Variants in HMCN1 observed in about 807,000 individuals in gnomAD.
HMCN1 encodes the protein hemicentin 1.
Under a neutral mutation model 625.9 loss-of-function variants are expected in HMCN1, and 321 were observed. The observed-to-expected ratio is 0.51, with a 90% confidence interval of 0.47 to 0.56. The LOEUF is 0.56. HMCN1 is among the 20% of genes least tolerant of loss of function. HMCN1 has a pLI of 0.00. For synonymous variants in HMCN1, 2,425 were observed against 2,417.6 expected (o/e 1.00, Z -0.09); for missense variants, 6,588 against 6,887.3 (o/e 0.96, Z 1.54).
chr1:185,745,488 T>C (rs1322519405), intron 1 of HMCN1, among the ~76,000 whole-genome samples: 2 of 152,182 alleles, frequency 1.3e-5, no homozygotes, highest in African/African-American at 2.4e-5. Flanking sequence ...TCATGCACTT[T>C]CCTTATGGGG....
At chr1:186,101,505 CAGAAG>C (rs1264797610) in intron 68 of HMCN1, among the ~76,000 whole-genome samples, 1 of 152,036 alleles carries the variant, frequency 6.6e-6, no homozygotes, top group Non-Finnish European at 1.5e-5. Flanking sequence ...ATCTGGAGCT[CAGAAG>C]AGAGTCTAGG....
Position 186,117,463 on chromosome 1 carries a change from A to C in HMCN1, c.11688A>C (p.Pro3896=), listed in dbSNP as rs1232848064. ...KRTVDLTVQV[P]PSIADEPTDF... Reference sequence around the variant, plus strand: ...TTGTTGTTGTTGTTGTTTTAGTTCCACCTTCCATAGCTGATGAGCCTACAG... The same window carrying C: ...TTGTTGTTGTTGTTGTTTTAGTTCCCCCTTCCATAGCTGATGAGCCTACAG... Residue 3896 remains proline, a synonymous_variant, in exon 77 of 107, where the codon CCA becomes CCC. Transcript: ENST00000271588. The C allele has an allele frequency of 4.3e-6, 7 of 1,613,598 alleles. No homozygotes were observed. The South Asian group carries it at 5.5e-5, about 13-fold the overall frequency.
At chr1:185,764,809 C>G (rs1461814967) in intron 1 of HMCN1, among the ~76,000 whole-genome samples, 1 of 152,054 alleles carries the variant, frequency 6.6e-6, no homozygotes, top group Non-Finnish European at 1.5e-5. Context: ...AATTTAATTA[C>G]AGTGTTTAAT....
Position 185,868,980 on chromosome 1 carries a change from G to C in HMCN1, c.621+3117G>C, listed in dbSNP as rs967507570. ...TAAAGTTGTCCATTTTTATAAACTA[G>C]AGTTTGATGCCAACAATAGAGCTGA... On this transcript the variant is annotated intron_variant, in intron 4 of 106. Transcript: ENST00000271588. 9.2e-5 allele frequency among the ~76,000 whole-genome samples: 14 copies of C among 152,144 alleles called. 1 individual carries two copies. Among genetic ancestry groups the C allele is most frequent in the Admixed American group, 5.2e-4 (8 of 15,274 alleles).
intron 50 of HMCN1, 57 bp from the exon 51 acceptor site, chr1:186,069,606 G>A (rs1301364326): frequency 1.9e-6 from 2 of 1,061,670 alleles, no homozygotes. Flanking sequence ...GATAGCCTGT[G>A]TGTACTCCAC....
intron 97 of HMCN1, among the ~76,000 whole-genome samples, chr1:186,156,885 G>C (rs1651061403): frequency 6.6e-6 from 1 of 152,076 alleles, no homozygotes; most frequent in Admixed American, 6.6e-5. Context: ...GGTGTTGACA[G>C]CATCACTGTA....
chr1:186,045,181 C>G (rs1656480819), intron 40 of HMCN1, among the ~76,000 whole-genome samples: 2 of 152,134 alleles, frequency 1.3e-5, no homozygotes, highest in African/African-American at 4.8e-5. Flanking sequence ...TTATTTTGCA[C>G]AAGGTATTAT....
chr1:185,755,801 T>A (rs1278508948), intron 1 of HMCN1, among the ~76,000 whole-genome samples: 6 of 152,122 alleles, frequency 3.9e-5, no homozygotes, highest in African/African-American at 1.4e-4. Flanking sequence ...AAGCTGGGAA[T>A]GGGAGTAAAG....
At position 186,003,766 on chromosome 1, in the gene HMCN1, T is replaced by C. The variant is rs771585101; in HGVS notation, c.4397T>C (p.Val1466Ala). 1.9e-6 allele frequency: 3 copies of C among 1,612,678 alleles called. No homozygotes were observed. The highest frequency in any genetic ancestry group is 2.5e-6 in the Non-Finnish European group (3 of 1,178,924). Residue 1466 changes from valine to alanine, a missense_variant, in exon 29 of 107, where the codon GTC (valine) becomes GCC (alanine). Val to Ala is a moderately conservative substitution (Grantham distance 64, BLOSUM62 0). Transcript: ENST00000271588. ...AACTTCCCAAATGAAGTCTCAGTTG[T>C]CCTCAACCGTGACGTCGCCCTTGAA... ...GTNFPNEVSV[V>A]LNRDVALECQ...
intron 1 of HMCN1, among the ~76,000 whole-genome samples, chr1:185,742,629 C>T (rs1023702469): frequency 3.3e-5 from 5 of 152,170 alleles, no homozygotes; most frequent in Non-Finnish European, 5.9e-5. Context: ...AGCTGTTAGT[C>T]TCTCTGTGCC....
At chr1:185,996,128 T>C (rs1447678190) in intron 24 of HMCN1, among the ~76,000 whole-genome samples, 1 of 152,178 alleles carries the variant, frequency 6.6e-6, no homozygotes, top group Non-Finnish European at 1.5e-5. Context: ...CTCATGACTA[T>C]GTAATTAGAC....
chr1:185,999,787 A>C (rs918208310), intron 25 of HMCN1, among the ~76,000 whole-genome samples: 15 of 152,076 alleles, frequency 9.9e-5, no homozygotes, highest in African/African-American at 3.6e-4. Context: ...TGCTTTACTT[A>C]CTATCATCTG....
At chr1:186,153,344 G>A (rs193208066) in intron 96 of HMCN1, among the ~76,000 whole-genome samples, 7 of 152,144 alleles carry the variant, frequency 4.6e-5, no homozygotes, top group Admixed American at 2.6e-4. Context: ...GAACACTACT[G>A]TACAATTATT....
intron 36 of HMCN1, among the ~76,000 whole-genome samples, chr1:186,032,912 G>A (rs1033014810): frequency 6.6e-6 from 1 of 151,920 alleles, no homozygotes. Context: ...CTCACTACTG[G>A]GTATTTACCC....
chr1:185,937,791 G>C (rs1388407491), intron 11 of HMCN1, among the ~76,000 whole-genome samples: 1 of 151,782 alleles, frequency 6.6e-6, no homozygotes, highest in Non-Finnish European at 1.5e-5. Context: ...TGAGGCAGGA[G>C]AATTGCTTGA....
intron 11 of HMCN1, chr1:185,956,999 G>A (rs1279839840): frequency 6.6e-6 from 1 of 152,238 alleles, no homozygotes; most frequent in East Asian, 1.9e-4. Context: ...CCCAATAGAT[G>A]TATAATTCCT....
intron 1 of HMCN1, among the ~76,000 whole-genome samples, chr1:185,774,890 A>G (rs1656491742): frequency 6.6e-6 from 1 of 152,222 alleles, no homozygotes; most frequent in South Asian, 2.1e-4. Context: ...TCAATTTATC[A>G]TCTTTCAGGG....
rs751822192 is a variant in HMCN1, at chr1:186,119,928, G to C, written c.12094+46G>C. ...ATCAAGAAAATCATAGCACATCAGT[G>C]TTTTATAATTCGAATCAGCATGATT... On this transcript the variant is annotated intron_variant, in intron 79 of 106. Transcript: ENST00000271588. The C allele has an allele frequency of 5.0e-6, 8 of 1,613,676 alleles. No homozygotes were observed. The South Asian group carries it at 6.6e-5, about 13-fold the overall frequency.
Position 185,783,862 on chromosome 1 carries a change from C to T in HMCN1, c.268+48815C>T, listed in dbSNP as rs116291180. 9.1e-3 allele frequency among the ~76,000 whole-genome samples: 1,384 copies of T among 152,244 alleles called. 31 individuals carry two copies. Among genetic ancestry groups the T allele is most frequent in the African/African-American group, 0.032 (1,322 of 41,538 alleles). ...CTCCATGCTGGGAGAACCACTGTAC[C>T]GTCTTCAAAGCTGTTAGCCACGGAC... On this transcript the variant is annotated intron_variant, in intron 1 of 106. Coordinates refer to ENST00000271588, the MANE Select transcript of HMCN1 (RefSeq NM_031935.3).
Sources: allele counts gnomAD v4.1 joint callset (sites outside exome capture counted in the v4.1 genomes callset), GRCh38; gene constraint gnomAD v4.1.1; transcripts MANE v1.5; gene names NCBI Gene and HGNC (gene_info 2026-07-23, HGNC 2026-07-21).